The following PAX3 variants were observed in gnomAD, a reference collection of about 807,000 sequenced individuals.
The protein encoded by PAX3 is paired box protein Pax-3.
A neutral mutation model predicts 51.6 loss-of-function variants in PAX3; 14 were observed. That is an observed-to-expected ratio of 0.27 (90% CI 0.18 to 0.42). PAX3 has a LOEUF of 0.42. PAX3 is among the 10% of genes least tolerant of loss of function. PAX3 has a pLI of 1.00. For synonymous variants in PAX3, 280 were observed against 253.4 expected (o/e 1.11, Z -1.00); for missense variants, 540 against 642.8 (o/e 0.84, Z 1.73).
intron 4 of PAX3, among the ~76,000 whole-genome samples, chr2:222,261,601 CA>C (rs61534527): frequency 0.14 from 15,447 of 108,962 alleles, 931 homozygotes; most frequent in East Asian, 0.38. Flanking sequence ...ACAACAACAA[CA>C]AAAAAAAAAA....
rs181007440 is a variant in PAX3, at chr2:222,216,640, C to T, written c.1173+3500G>A. Among the ~76,000 whole-genome samples the T allele has an allele frequency of 2.9e-3, 444 of 152,212 alleles. 5 individuals carry two copies. Among genetic ancestry groups the T allele is most frequent in the Non-Finnish European group, 1.2e-3 (79 of 68,020 alleles). On this transcript the variant is annotated intron_variant, in intron 7 of 8. Transcript: ENST00000392070. ...TTGGCAAATGGCTGTAATTCCCAGC[C>T]TTTGCTCAAGGGAAAAGATACATTA...
intron 2 of PAX3, among the ~76,000 whole-genome samples, chr2:222,296,389 G>A (rs945745684): frequency 1.3e-5 from 2 of 152,118 alleles, no homozygotes; most frequent in Admixed American, 1.3e-4. Flanking sequence ...TAGCTGGTGT[G>A]ACTCTTTCTT....
chr2:222,202,220 TA>T lies in PAX3; in HGVS notation c.1174-31del, dbSNP rs1382922617. ...AAAAACAGCCAGATTGGGAAGAGGT[TA>T]AAATGCAGAGAGATCCAGATTGCAG... is the stretch of plus-strand genomic sequence containing the variant. On this transcript the variant is annotated intron_variant, in intron 7 of 8. Transcript: ENST00000392070. 3 of 1,466,372 alleles carry T rather than the reference TA, an allele frequency of 2.0e-6. No individual in the cohort carries two copies. The African/African-American group carries it at 4.2e-5, about 20-fold the overall frequency. 90.8% of individuals were successfully genotyped at this position (1,466,372 alleles called of 1,614,324 possible). A position where few individuals can be genotyped will look rare whatever the true frequency, so the allele number is the denominator to read the frequency against.
chr2:222,228,923 A>C (rs1692480673), intron 5 of PAX3, among the ~76,000 whole-genome samples: 1 of 152,180 alleles, frequency 6.6e-6, no homozygotes, highest in Non-Finnish European at 1.5e-5. Context: ...GCTGGGCAAC[A>C]AAGTGAGACT....
intron 5 of PAX3, among the ~76,000 whole-genome samples, chr2:222,230,770 G>T: frequency 6.7e-6 from 1 of 148,248 alleles, no homozygotes; most frequent in South Asian, 2.1e-4. Context: ...CAGGAGAATC[G>T]CTTGAACCCA....
At position 222,298,606 on chromosome 2, in the gene PAX3, G is replaced by A; in HGVS notation, c.10C>T (p.Leu4=). 6.2e-7 allele frequency: 1 copy of A among 1,606,350 alleles called. No homozygotes were observed. The highest frequency in any genetic ancestry group is 8.5e-7 in the Non-Finnish European group (1 of 1,176,830). ...ATCATCCTGGGCACAGCGCCGGCCA[G>A]CGTGGTCATCCTGGGGGCAGCTTCG... The part of the protein sequence containing the change: MTT[L]AGAVPRMMRP... Residue 4 remains leucine (L), a synonymous_variant, in exon 1 of 9, where the codon CTG becomes TTG. Coordinates refer to ENST00000392070, the MANE Select transcript of PAX3 (RefSeq NM_181458.4).
intron 4 of PAX3, among the ~76,000 whole-genome samples, chr2:222,284,618 T>TGTGC (rs1308417156): frequency 9.6e-5 from 7 of 72,602 alleles, no homozygotes; most frequent in African/African-American, 1.3e-4. Context: ...TGTGCGTGTG[T>TGTGC]GTGTGTGTGT....
At chr2:222,271,504 G>A (rs1220081165) in intron 4 of PAX3, among the ~76,000 whole-genome samples, 1 of 152,130 alleles carries the variant, frequency 6.6e-6, no homozygotes, top group African/African-American at 2.4e-5. Flanking sequence ...GTTGTCTAGG[G>A]CTTTGCACTT....
intron 5 of PAX3, among the ~76,000 whole-genome samples, chr2:222,226,243 A>G (rs758066704): frequency 2.6e-5 from 4 of 152,264 alleles, no homozygotes; most frequent in Non-Finnish European, 4.4e-5. Context: ...TGCCAAGTAC[A>G]GTACTTTCCA....
intron 7 of PAX3, among the ~76,000 whole-genome samples, chr2:222,203,038 T>TTC (rs1470942178): frequency 8.4e-6 from 1 of 119,040 alleles, no homozygotes; most frequent in East Asian, 2.6e-4. Flanking sequence ...TATATATATA[T>TTC]ATATATATAT....
At chr2:222,205,358 T>C (rs530192984) in intron 7 of PAX3, among the ~76,000 whole-genome samples, 3 of 152,210 alleles carry the variant, frequency 2.0e-5, no homozygotes, top group African/African-American at 7.2e-5. Context: ...CACAGAAAGC[T>C]AGTGAGGGCA....
chr2:222,243,122 G>C (rs1346301222), intron 4 of PAX3, among the ~76,000 whole-genome samples: 1 of 152,174 alleles, frequency 6.6e-6, no homozygotes, highest in Non-Finnish European at 1.5e-5. Flanking sequence ...AGGAAACTTT[G>C]CCAAGATTAG....
At chr2:222,239,789 G>A (rs566510531) in intron 4 of PAX3, among the ~76,000 whole-genome samples, 6 of 147,640 alleles carry the variant, frequency 4.1e-5, no homozygotes, top group Non-Finnish European at 7.5e-5. Context: ...ATTTCTCCCC[G>A]AAATGTGCCA....
At chr2:222,254,848 T>C (rs1217852362) in intron 4 of PAX3, among the ~76,000 whole-genome samples, 1 of 152,160 alleles carries the variant, frequency 6.6e-6, no homozygotes, top group Non-Finnish European at 1.5e-5. Context: ...AGTGGCATGA[T>C]CTCATCTCAC....
intron 4 of PAX3, among the ~76,000 whole-genome samples, chr2:222,266,366 C>T (rs1365556671): frequency 6.6e-6 from 1 of 152,180 alleles, no homozygotes; most frequent in African/African-American, 2.4e-5. Context: ...CTTGGCACCC[C>T]TGTATATTCA....
chr2:222,267,623 T>G (rs1176108101), intron 4 of PAX3, among the ~76,000 whole-genome samples: 1 of 152,178 alleles, frequency 6.6e-6, no homozygotes, highest in Non-Finnish European at 1.5e-5. Flanking sequence ...TGGGACATTT[T>G]GTGGTATTTT....
chr2:222,220,454 A>G lies in PAX3; in HGVS notation c.959-100T>C, dbSNP rs1692150310. On this transcript the variant is annotated intron_variant, in intron 6 of 8. Coordinates refer to ENST00000392070, the MANE Select transcript of PAX3 (RefSeq NM_181458.4). ...AGCCACCAGGCCATCAGGAGCATCT[A>G]TTGATCAAATCAAATGTTCACTTCA... 12 of 1,101,640 alleles carry G rather than the reference A, an allele frequency of 1.1e-5. No individual in the cohort carries two copies. In the South Asian group the frequency reaches 1.2e-4, roughly 11 times the overall value. The allele number at this position is 1,101,640 out of a possible 1,614,324, so 68.2% of individuals were successfully genotyped here.
At position 222,271,245 on chromosome 2, in the gene PAX3, T is replaced by C. The variant is rs368216688; in HGVS notation, c.586+22922A>G. ...CATAAAGCCATGGTTATATCTGGTG[T>C]AGAACTAGACCTGGGCAGCCTGATG... On this transcript the variant is annotated intron_variant, in intron 4 of 8. Coordinates refer to ENST00000392070, the MANE Select transcript of PAX3 (RefSeq NM_181458.4). Among the ~76,000 whole-genome samples, 9 of 152,340 alleles carry C rather than the reference T, an allele frequency of 5.9e-5. No individual in the cohort carries two copies. In the South Asian group the frequency reaches 1.2e-3, roughly 21 times the overall value.
chr2:222,226,545 GC>G (rs1692391763), intron 5 of PAX3, among the ~76,000 whole-genome samples: 1 of 152,018 alleles, frequency 6.6e-6, no homozygotes, highest in Admixed American at 6.6e-5. Flanking sequence ...ACATATGTTT[GC>G]TTCATTACGG....
Sources: gnomAD v4.1 joint callset for allele counts (sites outside exome capture counted in the v4.1 genomes callset) on GRCh38, gnomAD v4.1.1 for gene constraint, MANE v1.5 for transcripts, NCBI Gene and HGNC (gene_info 2026-07-23, HGNC 2026-07-21) for gene names.